The following NR1I2 variants were observed in gnomAD, a reference collection of about 807,000 sequenced individuals.
NR1I2 encodes nuclear receptor subfamily 1 group I member 2.
In NR1I2, 42 loss-of-function variants were observed where a neutral mutation model predicts 43.3. The ratio of observed to expected loss-of-function variants is 0.97; its 90% CI spans 0.76 to 1.26. The LOEUF (loss-of-function observed/expected upper bound fraction) is 1.26, where lower values mean the gene tolerates loss of function less well. NR1I2 is among the 50% of genes most tolerant of loss of function. NR1I2 has a pLI of 0.00. For synonymous variants in NR1I2, 229 were observed against 215.0 expected (o/e 1.06, Z -0.57); for missense variants, 559 against 566.7 (o/e 0.99, Z 0.14).
chr3:119,795,400 T>G (rs2054984289), intron 1 of NR1I2, among the ~76,000 whole-genome samples: 1 of 152,208 alleles, frequency 6.6e-6, no homozygotes, highest in Non-Finnish European at 1.5e-5. Flanking sequence ...CAGTCAGCCC[T>G]GCCTCCCTTG....
rs920167079 is a variant in NR1I2 at position 119,818,255 on chromosome 3, A to G, written c.*1043A>G. ...GACAATCAGTTAAACACACCGGAGA[A>G]GAACCATTTACATGCACCTTATATT... On this transcript the variant is annotated 3_prime_UTR_variant, in exon 9 of 9. Coordinates refer to ENST00000393716, the MANE Select transcript of NR1I2 (RefSeq NM_003889.4). The G allele has an allele frequency of 1.0e-6, 1 of 985,642 alleles. No homozygotes were observed. 61.1% of individuals were successfully genotyped at this position (985,642 alleles called of 1,614,324 possible).
chr3:119,817,456 C>T lies in NR1I2; in HGVS notation c.*244C>T. 7.3e-7 allele frequency: 1 copy of T among 1,373,528 alleles called. No homozygotes were observed. Among genetic ancestry groups the T allele is most frequent in the Non-Finnish European group, 9.4e-7 (1 of 1,059,130 alleles). The allele number at this position is 1,373,528 out of a possible 1,614,324, so 85.1% of individuals were successfully genotyped here. A position where few individuals can be genotyped will look rare whatever the true frequency, so the allele number is the denominator to read the frequency against. ...ACTCTTACGTGGAGAGTGCACTGAC[C>T]TGTAGGTCAGGACCATCAGAGAGGC... On this transcript the variant is annotated 3_prime_UTR_variant, in exon 9 of 9. Transcript: ENST00000393716.
chr3:119,803,950 G>T (rs1409785562), intron 1 of NR1I2, among the ~76,000 whole-genome samples: 2 of 151,822 alleles, frequency 1.3e-5, no homozygotes, highest in Non-Finnish European at 2.9e-5. Flanking sequence ...TAGAGATGGG[G>T]TTTCTCCACG....
At chr3:119,788,684 T>C (rs2054877574) in intron 1 of NR1I2, among the ~76,000 whole-genome samples, 1 of 152,182 alleles carries the variant, frequency 6.6e-6, no homozygotes, top group South Asian at 2.1e-4. Flanking sequence ...ATGATCCTCC[T>C]GTTTCAGCTT....
In NR1I2 at chr3:119,817,308, C is replaced by T; in HGVS notation, c.*96C>T. On this transcript the variant is annotated 3_prime_UTR_variant, in exon 9 of 9. Transcript: ENST00000393716. The stretch of plus-strand genomic sequence containing the variant: ...CAAGACAGATGGACACTGCCAAGAG[C>T]CGACAATGCCCTGCTGGCCTGTCTC... The T allele has an allele frequency of 1.9e-6, 3 of 1,597,374 alleles. No individual in the cohort carries two copies. The highest frequency in any genetic ancestry group is 2.2e-5 in the South Asian group (2 of 90,094).
intron 1 of NR1I2, among the ~76,000 whole-genome samples, chr3:119,804,897 T>G (rs999568993): frequency 2.0e-5 from 3 of 152,198 alleles, no homozygotes; most frequent in African/African-American, 7.2e-5. Flanking sequence ...TTTGGACTTT[T>G]AATGATAACC....
chr3:119,807,301 T>G lies in NR1I2; in HGVS notation c.51T>G (p.Cys17Trp), dbSNP rs766155450. 1 of 1,614,226 alleles carries G rather than the reference T, an allele frequency of 6.2e-7. No individual in the cohort carries two copies. The highest frequency in any genetic ancestry group is 1.7e-5 in the Admixed American group (1 of 60,028). The change falls in exon 2 of 9, where the codon TGT becomes TGG. Residue 17 changes from cysteine (C) to tryptophan (W), a missense_variant. Coordinates refer to ENST00000393716, the MANE Select transcript of NR1I2 (RefSeq NM_003889.4). The stretch of plus-strand genomic sequence containing the variant: ...GGAACCATGCTGACTTTGTACACTG[T>G]GAGGACACAGAGTCTGTTCCTGGAA...
intron 1 of NR1I2, among the ~76,000 whole-genome samples, chr3:119,789,422 T>G (rs2472676): frequency 0.81 from 122,443 of 152,082 alleles, 49,506 homozygotes; most frequent in Admixed American, 0.85. Context: ...TTACATGGTG[T>G]CAGGCAAGAG....
chr3:119,804,341 C>T (rs949943407), intron 1 of NR1I2, among the ~76,000 whole-genome samples: 32 of 150,542 alleles, frequency 2.1e-4, no homozygotes, highest in African/African-American at 7.5e-4. Context: ...TGCCACTGCA[C>T]TCCAGCCTGG....
At chr3:119,795,985 ACT>A in intron 1 of NR1I2, among the ~76,000 whole-genome samples, 1 of 152,282 alleles carries the variant, frequency 6.6e-6, no homozygotes, top group South Asian at 2.1e-4. Context: ...GTGTTCTCAC[ACT>A]GAGTCTCTAA....
chr3:119,806,275 T>A (rs116839719), intron 1 of NR1I2, among the ~76,000 whole-genome samples: 266 of 152,188 alleles, frequency 1.7e-3, no homozygotes, highest in African/African-American at 6.0e-3. Flanking sequence ...CATCCTTGAG[T>A]ACAGCTCAAT....
chr3:119,783,068 T>C (rs992771673), intron 1 of NR1I2, among the ~76,000 whole-genome samples: 4 of 151,496 alleles, frequency 2.6e-5, no homozygotes, highest in African/African-American at 9.7e-5. Flanking sequence ...ATGAATCAGC[T>C]ATAGCAGGCA....
chr3:119,797,929 C>A (rs1043000883), intron 1 of NR1I2, among the ~76,000 whole-genome samples: 6 of 152,104 alleles, frequency 3.9e-5, no homozygotes, highest in Non-Finnish European at 5.9e-5. Flanking sequence ...TTCTGTTTTA[C>A]AATTTCAACT....
chr3:119,794,918 G>A (rs2054975895), intron 1 of NR1I2, among the ~76,000 whole-genome samples: 1 of 152,178 alleles, frequency 6.6e-6, no homozygotes, highest in Non-Finnish European at 1.5e-5. Flanking sequence ...CAGCCTGAGT[G>A]ACAAGATTGA....
In NR1I2 at chr3:119,815,057, G is replaced by A. The variant is rs775880955; in HGVS notation, c.873G>A (p.Val291=). The stretch of plus-strand genomic sequence containing the variant: ...TGTGTCAACTGAGATTCAACACAGT[G>A]TTCAACGCGGAGACTGGAACCTGGG... Residue 291 remains valine (V), a synonymous_variant, in exon 6 of 9, where the codon GTG becomes GTA. Coordinates refer to ENST00000393716, the MANE Select transcript of NR1I2 (RefSeq NM_003889.4). The A allele has an allele frequency of 5.0e-6, 8 of 1,614,046 alleles. No individual in the cohort carries two copies. In the South Asian group the frequency reaches 8.8e-5, roughly 18 times the overall value.
Position 119,812,709 on chromosome 3 carries a change from C to G in NR1I2, c.543C>G (p.Gly181=). Reference sequence around the variant, plus strand: ...AGCTGCCAGGGGTGCTTAGCAGTGGCTGCGAGTTGCCAGAGTCTCTGCAGG... The same window carrying G: ...AGCTGCCAGGGGTGCTTAGCAGTGGGTGCGAGTTGCCAGAGTCTCTGCAGG... The change falls in exon 5 of 9, where the codon GGC becomes GGG. Residue 181 remains glycine, a synonymous_variant. Coordinates refer to ENST00000393716, the MANE Select transcript of NR1I2 (RefSeq NM_003889.4). 6.2e-7 allele frequency: 1 copy of G among 1,614,126 alleles called. No homozygotes were observed. The highest frequency in any genetic ancestry group is 8.5e-7 in the Non-Finnish European group (1 of 1,180,028).
At chr3:119,810,300 G>A in intron 3 of NR1I2, 106 bp downstream of exon 3, 5 of 1,461,298 alleles carry the variant, frequency 3.4e-6, no homozygotes, top group Non-Finnish European at 4.6e-6. Context: ...CCGAGTGTGC[G>A]CGTGAACACA....
At chr3:119,796,643 C>T (rs557799009) in intron 1 of NR1I2, among the ~76,000 whole-genome samples, 9 of 152,118 alleles carry the variant, frequency 5.9e-5, no homozygotes, top group African/African-American at 9.7e-5. Context: ...CCAGTTGCAC[C>T]GCTCTTCTTC....
chr3:119,816,993 C>T, intron 8 of NR1I2, 75 bp from the exon 9 acceptor site: 1 of 1,566,868 alleles, frequency 6.4e-7, no homozygotes, highest in Non-Finnish European at 8.8e-7. Context: ...TATGCTTGTG[C>T]AGCCTCAGAG....
Sources: gnomAD v4.1 joint callset for allele counts (sites outside exome capture counted in the v4.1 genomes callset) on GRCh38, gnomAD v4.1.1 for gene constraint, MANE v1.5 for transcripts, NCBI Gene and HGNC (gene_info 2026-07-23, HGNC 2026-07-21) for gene names.